Variants in GTF3C3 observed in about 807,000 individuals in gnomAD.
The protein encoded by GTF3C3 is general transcription factor IIIC subunit 3.
In GTF3C3, 75 loss-of-function variants were observed where a neutral mutation model predicts 105.2. The ratio of observed to expected loss-of-function variants is 0.71; its 90% CI spans 0.59 to 0.86. The LOEUF is 0.86. Ranked by LOEUF, GTF3C3 falls within the 40% of genes least tolerant of loss-of-function variation. GTF3C3 has a pLI of 0.00. For synonymous variants in GTF3C3, 335 were observed against 370.4 expected, an observed-to-expected ratio of 0.90 and a Z score of 1.10; for missense variants, 856 against 1,076.5, an observed-to-expected ratio of 0.80 and a Z score of 2.87.
chr2:196,780,477 CAA>C, intron 9 of GTF3C3, 80 bp downstream of exon 9: 1 of 1,462,446 alleles, frequency 6.8e-7, no homozygotes, highest in Non-Finnish European at 9.2e-7. Context: ...ACTCTAGGGT[CAA>C]GTTATAATTT....
chr2:196,773,207 G>A (rs578180134), intron 13 of GTF3C3, 54 bp from the exon 14 acceptor site: 1 of 990,428 alleles, frequency 1.0e-6, no homozygotes, highest in South Asian at 1.5e-5. Context: ...AGAAATAGCA[G>A]TATTAGAAAA....
chr2:196,789,402 A>C (rs1699509479), intron 5 of GTF3C3, 33 bp from the exon 6 acceptor site: 1 of 1,484,690 alleles, frequency 6.7e-7, no homozygotes, highest in African/African-American at 1.4e-5. Context: ...TATTTACCAC[A>C]AAAAGGGGTG....
In GTF3C3 at chr2:196,785,655, T is replaced by C. The variant is rs1041437989; in HGVS notation, c.894-67A>G. On this transcript the variant is annotated intron_variant, in intron 6 of 17. Transcript: ENST00000263956. ...CAATTATAAAACTCATTTCCTTGCT[T>C]AGGCTATCTAACAATGAACAGTGAT... 5.4e-6 allele frequency: 5 copies of C among 924,592 alleles called. No individual in the cohort carries two copies. The East Asian group carries it at 1.2e-4, about 23-fold the overall frequency. The allele number at this position is 924,592 out of a possible 1,614,324, so 57.3% of individuals were successfully genotyped here.
intron 15 of GTF3C3, 107 bp from the exon 16 acceptor site, chr2:196,770,146 C>T: frequency 2.1e-6 from 2 of 931,688 alleles, no homozygotes; most frequent in Non-Finnish European, 3.0e-6. Flanking sequence ...ATAAGGTGGA[C>T]ATTCTATCTT....
At chr2:196,799,229 AT>A in intron 1 of GTF3C3, 1 of 343,398 alleles carries the variant, frequency 2.9e-6, no homozygotes, top group Non-Finnish European at 5.4e-6. Flanking sequence ...CCCACCTCCC[AT>A]TTAACTTACC....
intron 2 of GTF3C3, among the ~76,000 whole-genome samples, chr2:196,794,720 C>CTAT (rs1354314251): frequency 1.3e-5 from 2 of 151,720 alleles, no homozygotes; most frequent in South Asian, 2.1e-4. Flanking sequence ...CAGGCGTGAG[C>CTAT]CACTGAGCCC....
Position 196,776,336 on chromosome 2 carries a change from G to T in GTF3C3, c.1593+91C>A. Reference sequence around the variant, plus strand: ...CTTGAATACACTAAAATAAAATTTTGGATATAAGCTATAGAGACATCCTTA... The same window carrying T: ...CTTGAATACACTAAAATAAAATTTTTGATATAAGCTATAGAGACATCCTTA... On this transcript the variant is annotated intron_variant, in intron 11 of 17. Coordinates refer to ENST00000263956, the MANE Select transcript of GTF3C3 (RefSeq NM_012086.5). The surrounding 1 kb of genome is among the most constrained non-coding windows in gnomAD (Gnocchi z 4.5). The T allele has an allele frequency of 9.6e-7, 1 of 1,037,968 alleles. No individual in the cohort carries two copies. The highest frequency in any genetic ancestry group is 1.4e-6 in the Non-Finnish European group (1 of 704,104). 64.3% of individuals were successfully genotyped at this position (1,037,968 alleles called of 1,614,324 possible).
rs1052201339 is a variant in GTF3C3, at chr2:196,789,239, G to A, written c.858C>T (p.Gly286=). 6.8e-6 allele frequency: 11 copies of A among 1,611,860 alleles called. No homozygotes were observed. The highest frequency in any genetic ancestry group is 3.3e-4 in the Middle Eastern group (2 of 6,050). ...CTCTAGCCAGCTGCATAAAACGTTC[G>A]CCATCAGATGGAGACAAAAGGTTTA... ...RILNLLSPSD[G]ERFMQLARDM... is the part of the protein sequence containing the mutation. The change falls in exon 6 of 18, where the codon GGC becomes GGT. Residue 286 remains glycine (G), a synonymous_variant. Coordinates refer to ENST00000263956, the MANE Select transcript of GTF3C3 (RefSeq NM_012086.5).
At position 196,771,790 on chromosome 2, in the gene GTF3C3, CA is replaced by C. The variant is rs1559298144; in HGVS notation, c.2217del (p.Asn739LysfsTer35). ...CTACCAGATACAAATGCATTGTGTC[CA>C]TTTAAGACACATAGGGCATGATTTT... ...NPENHALCVL[N>X]GHNAFVSGSF... On this transcript the variant is annotated frameshift_variant, in exon 15 of 18. Coordinates refer to ENST00000263956, the MANE Select transcript of GTF3C3 (RefSeq NM_012086.5). LOFTEE classifies it high-confidence loss of function. 14 of 1,612,484 alleles carry C rather than the reference CA, an allele frequency of 8.7e-6. No individual in the cohort carries two copies. The highest frequency in any genetic ancestry group is 1.3e-5 in the African/African-American group (1 of 74,988).
At chr2:196,772,024 C>T (rs1699184046) in intron 14 of GTF3C3, 86 bp from the exon 15 acceptor site, 7 of 842,598 alleles carry the variant, frequency 8.3e-6, no homozygotes, top group Non-Finnish European at 1.4e-5. Flanking sequence ...TGCTGTCCTA[C>T]CAGCACTGAA....
In GTF3C3 at chr2:196,763,919, C is replaced by CTAT. The variant is rs1553575276; in HGVS notation, c.*641_*643dup. The CTAT allele has an allele frequency of 1.3e-5, 2 of 152,106 alleles. No homozygotes were observed. Among genetic ancestry groups the CTAT allele is most frequent in the African/African-American group, 2.4e-5 (1 of 41,426 alleles). The allele number at this position is 152,106 out of a possible 1,614,324, so 9.4% of individuals were successfully genotyped here. A position where few individuals can be genotyped will look rare whatever the true frequency, so the allele number is the denominator to read the frequency against. On this transcript the variant is annotated 3_prime_UTR_variant, in exon 18 of 18. Transcript: ENST00000263956. Reference sequence around the variant, plus strand: ...GTCCTGTTATTGAACAAGCTCTTCTCTATTTTTTCATCAGAAAGCCACAAA... The same window carrying CTAT: ...GTCCTGTTATTGAACAAGCTCTTCTCTATTATTTTTTCATCAGAAAGCCACAAA...
chr2:196,784,803 C>T (rs891211623), intron 8 of GTF3C3, 54 bp downstream of exon 8: 9 of 1,522,392 alleles, frequency 5.9e-6, no homozygotes, highest in African/African-American at 2.8e-5. Context: ...TAAAACGCCA[C>T]CTTATGACCA....
In GTF3C3 at chr2:196,764,028, A is replaced by AAGAT. The variant is rs1190459732; in HGVS notation, c.*531_*534dup. 1.3e-5 allele frequency: 2 copies of AAGAT among 152,248 alleles called. No homozygotes were observed. The highest frequency in any genetic ancestry group is 6.5e-5 in the Admixed American group (1 of 15,284). 9.4% of individuals were successfully genotyped at this position (152,248 alleles called of 1,614,324 possible). The stretch of plus-strand genomic sequence containing the variant: ...CTCCCATGTTTCAGTTTAGGTAGCT[A>AAGAT]AGATACATGCTGGTGAAAAGTAAAA... On this transcript the variant is annotated 3_prime_UTR_variant, in exon 18 of 18. Transcript: ENST00000263956.
Position 196,764,309 on chromosome 2 carries a change from G to A in GTF3C3, c.*254C>T, listed in dbSNP as rs942598127. ...TCCAAGCTAGCTCAAAGGCTTACAC[G>A]TCCATTTCAACATTGGGAACAATTC... On this transcript the variant is annotated 3_prime_UTR_variant, in exon 18 of 18. Coordinates refer to ENST00000263956, the MANE Select transcript of GTF3C3 (RefSeq NM_012086.5). The A allele has an allele frequency of 1.6e-5, 5 of 306,008 alleles. No individual in the cohort carries two copies. Among genetic ancestry groups the A allele is most frequent in the East Asian group, 5.7e-5 (1 of 17,566 alleles). 19.0% of individuals were successfully genotyped at this position (306,008 alleles called of 1,614,324 possible).
chr2:196,772,667 G>C (rs573727565), intron 14 of GTF3C3, among the ~76,000 whole-genome samples: 51 of 152,256 alleles, frequency 3.3e-4, no homozygotes, highest in Non-Finnish European at 4.7e-4. Flanking sequence ...CCTTTTATAA[G>C]TGGGAAGACT....
In GTF3C3 at chr2:196,771,802, A is replaced by G; in HGVS notation, c.2206T>C (p.Cys736Arg). Residue 736 changes from cysteine (C) to arginine (R), a missense_variant, in exon 15 of 18, where the codon TGT becomes CGT. Cys to Arg is a radical substitution (Grantham distance 180). Coordinates refer to ENST00000263956, the MANE Select transcript of GTF3C3 (RefSeq NM_012086.5). ...AATGCATTGTGTCCATTTAAGACAC[A>G]TAGGGCATGATTTTCTGGGTTTTTC... Reference protein sequence around the residue: ...MLKNPENHALCVLNGHNAFVS... With the variant: ...MLKNPENHALRVLNGHNAFVS... 1 of 1,613,598 alleles carries G rather than the reference A, an allele frequency of 6.2e-7. No individual in the cohort carries two copies. Among genetic ancestry groups the G allele is most frequent in the South Asian group, 1.1e-5 (1 of 91,074 alleles).
intron 10 of GTF3C3, among the ~76,000 whole-genome samples, chr2:196,777,327 G>A (rs913953614): frequency 6.6e-6 from 1 of 152,016 alleles, no homozygotes; most frequent in Admixed American, 6.6e-5. Flanking sequence ...ATCCCCAATA[G>A]AAACTACCTC....
At position 196,764,556 on chromosome 2, in the gene GTF3C3, C is replaced by G; in HGVS notation, c.*7G>C. The G allele has an allele frequency of 6.2e-7, 1 of 1,611,484 alleles. No individual in the cohort carries two copies. Among genetic ancestry groups the G allele is most frequent in the Non-Finnish European group, 8.5e-7 (1 of 1,178,398 alleles). On this transcript the variant is annotated 3_prime_UTR_variant, in exon 18 of 18. Transcript: ENST00000263956. ...GCTGCCATTGCTCTGTTCTCAGTTG[C>G]GGTGCTTTATATAGAACAATAGGTA... is the stretch of plus-strand genomic sequence containing the variant.
chr2:196,767,012 T>C (rs1699080212), intron 16 of GTF3C3: 2 of 205,312 alleles, frequency 9.7e-6, no homozygotes, highest in Non-Finnish European at 1.9e-5. Context: ...AAAAAATAAT[T>C]TGAAGTTGGC....
Sources: gnomAD v4.1 joint callset for allele counts (sites outside exome capture counted in the v4.1 genomes callset) on GRCh38, gnomAD v4.1.1 for gene constraint, Gnocchi (gnomAD v3.1) non-coding constraint, MANE v1.5 for transcripts, NCBI Gene and HGNC (gene_info 2026-07-23, HGNC 2026-07-21) for gene names.